Variants in NELFB observed in about 807,000 individuals in gnomAD.
NELFB encodes negative elongation factor B.
NELFB carries 34 observed loss-of-function variants against 60.2 expected under a neutral mutation model. The observed-to-expected ratio is 0.56, with a 90% CI of 0.43 to 0.75. NELFB has a LOEUF of 0.75. Among genes scored for constraint, NELFB ranks in the 30% least tolerant of loss-of-function variants. The pLI, the probability that NELFB is intolerant of heterozygous loss-of-function variation, is 0.00. For synonymous variants in NELFB, 459 were observed against 382.1 expected (o/e 1.20, Z -2.35); for missense variants, 770 against 831.6 (o/e 0.93, Z 0.91).
At chr9:137,270,782 G>A (rs751862211) in intron 10 of NELFB, among the ~76,000 whole-genome samples, 3 of 151,890 alleles carry the variant, frequency 2.0e-5, no homozygotes, top group African/African-American at 7.3e-5. Context: ...TTAGCCCGGC[G>A]CGGTGGCGCA....
At chr9:137,266,116 G>T (rs1222213618) in intron 7 of NELFB, 137 bp downstream of exon 7, 16 of 795,160 alleles carry the variant, frequency 2.0e-5, no homozygotes, top group Non-Finnish European at 3.3e-5. Flanking sequence ...TGGCTGCTCT[G>T]GTGGTCGGGG....
rs1398277040 is a variant in NELFB, at chr9:137,255,439, T to C, written c.74T>C (p.Val25Ala). ...GGCCCGGCGGAGCGGGCTTCTGGGG[T>C]GTCTGCGGCGGCGCCGGGGGAACGG... is the stretch of plus-strand genomic sequence containing the variant. Residue 25 changes from valine (V) to alanine (A), a missense_variant, in exon 1 of 13, where the codon GTG becomes GCG. By Grantham distance (64) the Val-to-Ala change is moderately conservative. Coordinates refer to ENST00000343053, the MANE Select transcript of NELFB (RefSeq NM_015456.5). 4.4e-6 allele frequency: 6 copies of C among 1,351,418 alleles called. No individual in the cohort carries two copies. Among genetic ancestry groups the C allele is most frequent in the Admixed American group, 5.7e-5 (2 of 34,880 alleles). The allele number at this position is 1,351,418 out of a possible 1,614,324, so 83.7% of individuals were successfully genotyped here. A position where few individuals can be genotyped will look rare whatever the true frequency, so the allele number is the denominator to read the frequency against.
Position 137,267,228 on chromosome 9 carries a change from C to G in NELFB, c.1383-12C>G. The G allele has an allele frequency of 6.2e-7, 1 of 1,609,652 alleles. No individual in the cohort carries two copies. The highest frequency in any genetic ancestry group is 1.3e-5 in the African/African-American group (1 of 74,862). On this transcript the variant is annotated splice_polypyrimidine_tract_variant and intron_variant, in intron 9 of 12. Transcript: ENST00000343053. ...TGGGGCTGAGGTGGGGCTGATGGCG[C>G]CCCGGGCGCAGGTTTCTGCAGGAGC...
chr9:137,260,114 A>G (rs894728080), intron 4 of NELFB, among the ~76,000 whole-genome samples: 5 of 148,854 alleles, frequency 3.4e-5, no homozygotes, highest in African/African-American at 7.4e-5. Context: ...CAGTGGTGCA[A>G]TCTCGGCTCA....
chr9:137,268,654 C>T (rs1830547863), intron 10 of NELFB, among the ~76,000 whole-genome samples: 1 of 152,184 alleles, frequency 6.6e-6, no homozygotes, highest in Non-Finnish European at 1.5e-5. Flanking sequence ...GTCAAGGGGC[C>T]TGCATCTGGC....
intron 2 of NELFB, 125 bp downstream of exon 2, chr9:137,256,195 G>A: frequency 1.5e-6 from 2 of 1,361,072 alleles, no homozygotes; most frequent in Admixed American, 1.8e-5. Flanking sequence ...CTGGGCCTGT[G>A]TCTGAGTGAC....
rs1038388000 is a variant in NELFB, at chr9:137,267,225, G to T, written c.1383-15G>T. The T allele has an allele frequency of 5.6e-6, 9 of 1,609,598 alleles. No individual in the cohort carries two copies. The African/African-American group carries it at 1.1e-4, about 19-fold the overall frequency. On this transcript the variant is annotated splice_polypyrimidine_tract_variant and intron_variant, in intron 9 of 12. Transcript: ENST00000343053. ...AGGTGGGGCTGAGGTGGGGCTGATG[G>T]CGCCCCGGGCGCAGGTTTCTGCAGG...
chr9:137,256,758 T>C lies in NELFB; in HGVS notation c.511-66T>C, dbSNP rs1184604872. ...TGGTCTCTGCGGGGCTGAGGCCTCT[T>C]GGCTTGTCTTGAAGGAGACCCAGGG... On this transcript the variant is annotated intron_variant, in intron 3 of 12. Coordinates refer to ENST00000343053, the MANE Select transcript of NELFB (RefSeq NM_015456.5). 2.6e-6 allele frequency: 4 copies of C among 1,518,606 alleles called. No homozygotes were observed. The South Asian group carries it at 4.7e-5, about 18-fold the overall frequency. The allele number at this position is 1,518,606 out of a possible 1,614,324, so 94.1% of individuals were successfully genotyped here. A position where few individuals can be genotyped will look rare whatever the true frequency, so the allele number is the denominator to read the frequency against.
chr9:137,258,697 C>T (rs1055361989), intron 4 of NELFB, among the ~76,000 whole-genome samples: 11 of 151,888 alleles, frequency 7.2e-5, no homozygotes, highest in Non-Finnish European at 1.2e-4. Context: ...TCAGGTAATC[C>T]GCCCACCTTG....
At position 137,263,186 on chromosome 9, in the gene NELFB, C is replaced by G; in HGVS notation, c.891C>G (p.Asp297Glu). ...TGCTCATGTCCCTGCACGACCTGGA[C>G]GTGGGTGAAATCTGCACCGTGGACC... The change falls in exon 5 of 13, where the codon GAC (aspartate) becomes GAG (glutamate). Residue 297 changes from aspartate (D) to glutamate (E), a missense_variant. Transcript: ENST00000343053. 1 of 1,613,560 alleles carries G rather than the reference C, an allele frequency of 6.2e-7. No individual in the cohort carries two copies. The highest frequency in any genetic ancestry group is 8.5e-7 in the Non-Finnish European group (1 of 1,179,890).
intron 7 of NELFB, 108 bp from the exon 8 acceptor site, chr9:137,266,200 GCTGGTGATCGCAGTCGTGTGGTC>G: frequency 1.2e-6 from 1 of 823,300 alleles, no homozygotes; most frequent in Non-Finnish European, 1.9e-6. Context: ...CGTGTGTGGG[GCTGGTGATCGCAGTCGTGTGGTC>G]CTGGCCATGG....
In NELFB at chr9:137,263,170, C is replaced by A; in HGVS notation, c.875C>A (p.Ser292Tyr). The A allele has an allele frequency of 1.9e-6, 3 of 1,613,912 alleles. No individual in the cohort carries two copies. The highest frequency in any genetic ancestry group is 2.2e-5 in the South Asian group (2 of 91,090). The change falls in exon 5 of 13, where the codon TCC becomes TAC. Residue 292 changes from serine (S) to tyrosine (Y), a missense_variant. Ser to Tyr is a moderately radical substitution (Grantham distance 144). Coordinates refer to ENST00000343053, the MANE Select transcript of NELFB (RefSeq NM_015456.5). ...ACGCTGCGGGCTGAGCTGCTCATGTCCCTGCACGACCTGGACGTGGGTGAA... is the reference window on the plus strand; with the variant it reads ...ACGCTGCGGGCTGAGCTGCTCATGTACCTGCACGACCTGGACGTGGGTGAA...
Position 137,264,271 on chromosome 9 carries a change from C to A in NELFB, c.954C>A (p.Ile318=). The change falls in exon 6 of 13, where the codon ATC becomes ATA. Residue 318 remains isoleucine (I), a synonymous_variant. Transcript: ENST00000343053. ...TCACCTGGTGCCTGGACGCCTGCATCCGAGAGCGGTTCGTGGACAGCAAGA... is the reference window on the plus strand; with the variant it reads ...TCACCTGGTGCCTGGACGCCTGCATACGAGAGCGGTTCGTGGACAGCAAGA... 2.5e-6 allele frequency: 4 copies of A among 1,600,610 alleles called. No individual in the cohort carries two copies. The highest frequency in any genetic ancestry group is 3.4e-6 in the Non-Finnish European group (4 of 1,174,774).
intron 5 of NELFB, 49 bp from the exon 6 acceptor site, chr9:137,264,196 G>T: frequency 7.0e-7 from 1 of 1,437,158 alleles, no homozygotes; most frequent in South Asian, 1.2e-5. Flanking sequence ...TGGGTCTCTG[G>T]TCATCCTGGG....
Position 137,255,472 on chromosome 9 carries a change from A to C in NELFB, c.107A>C (p.Asp36Ala). Residue 36 changes from aspartate to alanine, a missense_variant, in exon 1 of 13, where the codon GAT (aspartate) becomes GCT (alanine). By Grantham distance (126) the Asp-to-Ala change is moderately radical (BLOSUM62 -2). Coordinates refer to ENST00000343053, the MANE Select transcript of NELFB (RefSeq NM_015456.5). ...GCGGCGCCGGGGGAACGGGCTGGGG[A>C]TGGGGCGCCTAGCCGGGCGGTGGCC... The C allele has an allele frequency of 6.6e-7, 1 of 1,509,564 alleles. No homozygotes were observed. Among genetic ancestry groups the C allele is most frequent in the Non-Finnish European group, 8.9e-7 (1 of 1,127,092 alleles). 93.5% of individuals were successfully genotyped at this position (1,509,564 alleles called of 1,614,324 possible).
intron 10 of NELFB, 116 bp from the exon 11 acceptor site, chr9:137,271,965 C>T (rs1281511440): frequency 5.2e-6 from 7 of 1,350,692 alleles, no homozygotes; most frequent in African/African-American, 1.4e-5. Context: ...CTCAGAACAA[C>T]TGAGAACTCT....
At chr9:137,271,059 G>A (rs913847030) in intron 10 of NELFB, among the ~76,000 whole-genome samples, 1 of 152,268 alleles carries the variant, frequency 6.6e-6, no homozygotes, top group Non-Finnish European at 1.5e-5. Context: ...GGACGGTCCC[G>A]TCAGGGTTGG....
chr9:137,264,334 G>T lies in NELFB; in HGVS notation c.1017G>T (p.Lys339Asn), dbSNP rs1241436834. 6.3e-7 allele frequency: 1 copy of T among 1,596,268 alleles called. No homozygotes were observed. ...TGCAGGGGTTTCTCGATGGCGTCAA[G>T]AAGGGCCAGGAGCAGGTGCTGGGGT... Residue 339 changes from lysine to asparagine, a missense_variant, in exon 6 of 13, where the codon AAG (lysine) becomes AAT (asparagine). Coordinates refer to ENST00000343053, the MANE Select transcript of NELFB (RefSeq NM_015456.5).
At chr9:137,255,745 C>A in intron 1 of NELFB, 134 bp downstream of exon 1, 1 of 1,429,394 alleles carries the variant, frequency 7.0e-7, no homozygotes, top group Non-Finnish European at 9.5e-7. Context: ...GGGTGGAGTC[C>A]GGAGCCAGCA....
Sources: allele counts gnomAD v4.1 joint callset (sites outside exome capture counted in the v4.1 genomes callset), GRCh38; gene constraint gnomAD v4.1.1; transcripts MANE v1.5; gene names NCBI Gene and HGNC (gene_info 2026-07-23, HGNC 2026-07-21).